HIPK3: variants seen among roughly 807,000 people sequenced by gnomAD.
The protein encoded by HIPK3 is homeodomain-interacting protein kinase 3.
A neutral mutation model predicts 124.2 loss-of-function variants in HIPK3; 47 were observed. That is an observed-to-expected ratio of 0.38 (90% CI 0.30 to 0.48). HIPK3 has a LOEUF of 0.48. Among genes scored for constraint, HIPK3 ranks in the 20% least tolerant of loss-of-function variants. The pLI is 0.98. For missense variants in HIPK3, 1,286 were observed against 1,454.3 expected (o/e 0.88, Z 1.88); for synonymous variants, 482 against 515.2 (o/e 0.94, Z 0.87).
chr11:33,348,807 T>A lies in HIPK3; in HGVS notation c.2655T>A (p.His885Gln), dbSNP rs1439144045. 4 of 1,613,078 alleles carry A rather than the reference T, an allele frequency of 2.5e-6. No individual in the cohort carries two copies. Among genetic ancestry groups the A allele is most frequent in the Non-Finnish European group, 3.4e-6 (4 of 1,179,130 alleles). Residue 885 changes from histidine to glutamine, a missense_variant, in exon 13 of 17, where the codon CAT becomes CAA. Physicochemically the swap from His to Gln is conservative, Grantham distance 24. Coordinates refer to ENST00000303296, the MANE Select transcript of HIPK3 (RefSeq NM_005734.5). The part of the protein sequence containing the change: ...DTDEEETSQR[H>Q]SLRECKGSLD... ...ATGAGGAAGAGACTTCCCAGAGACA[T>A]TCACTCAGAGAGTAAGTGCCAAACG... is the stretch of plus-strand genomic sequence containing the variant.
chr11:33,311,934 C>CT (rs1251657418), intron 2 of HIPK3, among the ~76,000 whole-genome samples: 1 of 140,658 alleles, frequency 7.1e-6, no homozygotes, highest in Non-Finnish European at 1.5e-5. Context: ...CACACACACA[C>CT]ACTACACACA....
At chr11:33,320,964 CAT>C (rs1219261936) in intron 2 of HIPK3, among the ~76,000 whole-genome samples, 8 of 152,150 alleles carry the variant, frequency 5.3e-5, no homozygotes, top group African/African-American at 9.7e-5. Flanking sequence ...TATTTAAAAA[CAT>C]GTGACAGGAT....
rs369121877 is a variant in HIPK3 at position 33,272,778 on chromosome 11, TCC to T, written c.-2-13631_-2-13630del. Among the ~76,000 whole-genome samples, 2 of 3,620 alleles carry T rather than the reference TCC, an allele frequency of 5.5e-4. 1 individual carries two copies. Among genetic ancestry groups the T allele is most frequent in the Non-Finnish European group, 1.3e-3 (2 of 1,512 alleles). The allele number at this position is 3,620 out of a possible 152,430, so 2.4% of individuals were successfully genotyped here. ...CTTCTCTCCCTCCCTCCCTCCTCCC[TCC>T]CCCTCCCTCCCTCCTTCCTTCCTTC... On this transcript the variant is annotated intron_variant, in intron 1 of 16. Transcript: ENST00000303296.
intron 2 of HIPK3, among the ~76,000 whole-genome samples, chr11:33,323,820 T>C (rs1206962818): frequency 6.6e-6 from 1 of 152,240 alleles, no homozygotes; most frequent in Admixed American, 6.5e-5. Context: ...CTTTATCACA[T>C]GCCCTAAACT....
chr11:33,305,741 T>G (rs939454465), intron 2 of HIPK3, among the ~76,000 whole-genome samples: 6 of 149,248 alleles, frequency 4.0e-5, no homozygotes, highest in Non-Finnish European at 9.1e-5. Flanking sequence ...ATCTGGTGGA[T>G]TTTTTGTTTG....
rs1228135195 is a variant in HIPK3, at chr11:33,339,429, A to T, written c.1508A>T (p.Lys503Met). The change falls in exon 6 of 17, where the codon AAG becomes ATG. Residue 503 changes from lysine to methionine, a missense_variant. Physicochemically the swap from Lys to Met is moderately conservative, Grantham distance 95. Coordinates refer to ENST00000303296, the MANE Select transcript of HIPK3 (RefSeq NM_005734.5). The part of the protein sequence containing the change: ...ADRREFVSLL[K>M]KMLLIDADLR... ...AGAAGAGAATTTGTTAGTCTGTTGA[A>T]GAAAATGTTGCTGATTGATGCAGAT... 6.2e-7 allele frequency: 1 copy of T among 1,613,542 alleles called. No individual in the cohort carries two copies. The highest frequency in any genetic ancestry group is 1.7e-5 in the Admixed American group (1 of 60,006).
At chr11:33,276,154 CT>C (rs1237905615) in intron 1 of HIPK3, among the ~76,000 whole-genome samples, 3 of 152,140 alleles carry the variant, frequency 2.0e-5, no homozygotes, top group Non-Finnish European at 2.9e-5. Flanking sequence ...TTGCTTTTAC[CT>C]TTTTTTCTCT....
intron 2 of HIPK3, among the ~76,000 whole-genome samples, chr11:33,292,893 G>A (rs1311112425): frequency 9.9e-5 from 15 of 152,022 alleles, no homozygotes; most frequent in African/African-American, 3.6e-4. Context: ...CCGCCACCAC[G>A]CCTGGCTAAT....
chr11:33,257,981 C>T (rs1035284106), intron 1 of HIPK3, 92 bp downstream of exon 1: 2 of 952,302 alleles, frequency 2.1e-6, no homozygotes, highest in Non-Finnish European at 2.5e-6. Flanking sequence ...CAAGCCTGAC[C>T]CGGGCCTGGC....
intron 2 of HIPK3, among the ~76,000 whole-genome samples, chr11:33,322,109 C>G (rs1852680841): frequency 6.6e-6 from 1 of 152,144 alleles, no homozygotes; most frequent in Non-Finnish European, 1.5e-5. Flanking sequence ...ACACCATTCT[C>G]CTGCCTCAGC....
At chr11:33,300,205 G>A (rs1200559167) in intron 2 of HIPK3, among the ~76,000 whole-genome samples, 1 of 151,780 alleles carries the variant, frequency 6.6e-6, no homozygotes, top group African/African-American at 2.4e-5. Context: ...AATTAGCTGG[G>A]CGTGATGGCA....
At chr11:33,297,760 A>G (rs1851881139) in intron 2 of HIPK3, among the ~76,000 whole-genome samples, 1 of 150,444 alleles carries the variant, frequency 6.6e-6, no homozygotes, top group Admixed American at 6.6e-5. Flanking sequence ...GCCTGGCTTC[A>G]GAACTTCAAA....
Position 33,286,560 on chromosome 11 carries a change from A to G in HIPK3, c.146A>G (p.Asn49Ser), listed in dbSNP as rs1394888564. 6.2e-7 allele frequency: 1 copy of G among 1,614,150 alleles called. No individual in the cohort carries two copies. Among genetic ancestry groups the G allele is most frequent in the South Asian group, 1.1e-5 (1 of 91,084 alleles). ...NYPRTYVNGR[N>S]FGNSHPPTKG... is the part of the protein sequence containing the mutation. The stretch of plus-strand genomic sequence containing the variant: ...CCACGGACCTATGTGAATGGTAGAA[A>G]CTTTGGAAATTCTCATCCTCCCACT... The change falls in exon 2 of 17, where the codon AAC becomes AGC. Residue 49 changes from asparagine to serine, a missense_variant. Asn to Ser is a conservative substitution (Grantham distance 46). Around this residue, in one of 3 missense-constraint regions of HIPK3, gnomAD observed 225 missense variants for 240.3 expected, o/e 0.94. Transcript: ENST00000303296.
At chr11:33,322,936 C>T (rs551069319) in intron 2 of HIPK3, among the ~76,000 whole-genome samples, 56 of 152,300 alleles carry the variant, frequency 3.7e-4, no homozygotes, top group Admixed American at 1.4e-3. Context: ...CATAGTTGTT[C>T]TTCATGTAGA....
intron 8 of HIPK3, among the ~76,000 whole-genome samples, chr11:33,346,371 A>T (rs1853492766): frequency 6.6e-6 from 1 of 152,182 alleles, no homozygotes. Context: ...ACATTGCGGA[A>T]ACCTTAGTTT....
chr11:33,266,557 G>A (rs673407), intron 1 of HIPK3, among the ~76,000 whole-genome samples: 150,861 of 152,240 alleles, frequency 0.99, 74,757 homozygotes, highest in East Asian at 1. Context: ...AAATACAAAA[G>A]TTATTCAGGC....
chr11:33,350,180 A>G (rs902571202), intron 14 of HIPK3, among the ~76,000 whole-genome samples: 3 of 152,226 alleles, frequency 2.0e-5, no homozygotes, highest in Admixed American at 6.5e-5. Flanking sequence ...TTAAAAAGGA[A>G]TGTTTTGCAT....
intron 2 of HIPK3, among the ~76,000 whole-genome samples, chr11:33,298,037 CCTT>C (rs1242768499): frequency 2.0e-5 from 3 of 152,072 alleles, no homozygotes; most frequent in African/African-American, 4.8e-5. Context: ...GATCCTCCCT[CCTT>C]GGCCTCCCAA....
At chr11:33,326,854 CT>C (rs1258775871) in intron 2 of HIPK3, among the ~76,000 whole-genome samples, 1 of 151,720 alleles carries the variant, frequency 6.6e-6, no homozygotes, top group East Asian at 1.9e-4. Flanking sequence ...AAAATTTTTT[CT>C]TTTTTTGGAG....
Sources: gnomAD v4.1 joint callset for allele counts (sites outside exome capture counted in the v4.1 genomes callset) on GRCh38, gnomAD v4.1.1 for gene constraint, gnomAD v4.1.1 regional missense constraint, MANE v1.5 for transcripts, NCBI Gene and HGNC (gene_info 2026-07-23, HGNC 2026-07-21) for gene names.